Variants in DDX27 observed in about 807,000 individuals in gnomAD.
The protein encoded by DDX27 is DEAD-box helicase 27.
Under a neutral mutation model 99.3 loss-of-function variants are expected in DDX27, and 42 were observed. The ratio of observed to expected loss-of-function variants is 0.42; its 90% confidence interval spans 0.33 to 0.55. The LOEUF is 0.55. Ranked by LOEUF, DDX27 falls within the 20% of genes least tolerant of loss-of-function variation. DDX27 has a pLI of 0.07. For synonymous variants in DDX27, 329 were observed against 353.8 expected (o/e 0.93, Z 0.79); for missense variants, 798 against 976.8 (o/e 0.82, Z 2.44).
chr20:49,232,387 T>A (rs1194613368), intron 9 of DDX27, among the ~76,000 whole-genome samples: 3 of 152,052 alleles, frequency 2.0e-5, no homozygotes, highest in African/African-American at 7.2e-5. Context: ...CCCAGCACTT[T>A]GGGAGGCCGA....
At chr20:49,238,767 T>A (rs1980383102) in intron 14 of DDX27, 182 bp from the exon 15 acceptor site, 1 of 28,352 alleles carries the variant, frequency 3.5e-5, no homozygotes, top group Admixed American at 3.3e-4. Context: ...GTGCCTGGCT[T>A]TTTTTTTTTT....
chr20:49,233,480 T>C, intron 10 of DDX27, 75 bp downstream of exon 10: 6 of 1,601,642 alleles, frequency 3.7e-6, no homozygotes, highest in Non-Finnish European at 5.1e-6. Flanking sequence ...CTGGCTGGGC[T>C]TGAGGGGGTT....
intron 14 of DDX27, among the ~76,000 whole-genome samples, chr20:49,237,794 G>GAGGT (rs916750549): frequency 8.5e-5 from 13 of 152,272 alleles, no homozygotes; most frequent in African/African-American, 3.1e-4. Context: ...TGGAGGCTGT[G>GAGGT]AGGTAGGAAC....
Position 49,222,997 on chromosome 20 carries a change from G to T in DDX27, c.281G>T (p.Arg94Leu). 2.5e-6 allele frequency: 4 copies of T among 1,613,082 alleles called. No individual in the cohort carries two copies. Among genetic ancestry groups the T allele is most frequent in the Non-Finnish European group, 3.4e-6 (4 of 1,179,526 alleles). ...TTLDEKIEKVRKKRKTEDKEA... is the reference protein window; with the variant it reads ...TTLDEKIEKVLKKRKTEDKEA... The stretch of plus-strand genomic sequence containing the variant: ...TTAGATGAGAAGATTGAGAAAGTTC[G>T]AAAGAAAAGGAAAACAGAGGTGAGA... Residue 94 changes from arginine (R) to leucine (L), a missense_variant, in exon 3 of 21, where the codon CGA (arginine) becomes CTA (leucine). Arg to Leu is a moderately radical substitution (Grantham distance 102). Transcript: ENST00000618172.
chr20:49,236,151 C>G lies in DDX27; in HGVS notation c.1429C>G (p.Arg477Gly). 1 of 1,608,502 alleles carries G rather than the reference C, an allele frequency of 6.2e-7. No individual in the cohort carries two copies. Among genetic ancestry groups the G allele is most frequent in the Non-Finnish European group, 8.5e-7 (1 of 1,177,590 alleles). The change falls in exon 13 of 21, where the codon CGT becomes GGT. Residue 477 changes from arginine (R) to glycine (G), a missense_variant and splice_region_variant. This residue lies in a region of DDX27 where 553 missense variants were observed against 727.9 expected (regional missense o/e 0.76). Coordinates refer to ENST00000618172, the MANE Select transcript of DDX27 (RefSeq NM_017895.8). The surrounding 1 kb of genome is among the most constrained non-coding windows in gnomAD (Gnocchi z 4.1). ...ACAGCTGTTTGTGACTGTTTCTAGG[C>G]GTTTTAAGGATGAACAGATTGACAT... ...SQTQRLEALR[R>G]FKDEQIDILV...
chr20:49,242,648 CA>C lies in DDX27; in HGVS notation c.2173del (p.Ser725AlafsTer5). On this transcript the variant is annotated frameshift_variant, in exon 19 of 21. Coordinates refer to ENST00000618172, the MANE Select transcript of DDX27 (RefSeq NM_017895.8). LOFTEE classifies it high-confidence loss of function. Reference protein sequence around the residue: ...KSVFDEELTNTSKKALKQYRA... With the variant: ...KSVFDEELTNXSKKALKQYRA... ...GTATTTGATGAAGAACTCACCAACA[CA>C]AGCAAGAAGGCCCTGAAACAGTATC... The C allele has an allele frequency of 6.2e-7, 1 of 1,613,802 alleles. No homozygotes were observed. The highest frequency in any genetic ancestry group is 8.5e-7 in the Non-Finnish European group (1 of 1,179,956).
In DDX27 at chr20:49,236,293, CT is replaced by C; in HGVS notation, c.1510-38del. On this transcript the variant is annotated intron_variant, in intron 13 of 20. Transcript: ENST00000618172. The surrounding 1 kb of genome is among the most constrained non-coding windows in gnomAD (Gnocchi z 4.1). Reference sequence around the variant, plus strand: ...AGTCTTTTTGCCTCTTCGCACCCCCCTTCCCTTGCCAGGCCTGACGTTCATT... The same window carrying C: ...AGTCTTTTTGCCTCTTCGCACCCCCCTCCCTTGCCAGGCCTGACGTTCATT... 2 of 1,570,010 alleles carry C rather than the reference CT, an allele frequency of 1.3e-6. No individual in the cohort carries two copies. The highest frequency in any genetic ancestry group is 1.7e-6 in the Non-Finnish European group (2 of 1,154,614).
In DDX27 at chr20:49,239,294, A is replaced by G. The variant is rs765790009; in HGVS notation, c.1853A>G (p.Glu618Gly). ...AAGGAGGCAGTGGTCCAAGAGCCCGAGAGGAGCTGGTTCCAGACCAAAGAA... is the reference window on the plus strand; with the variant it reads ...AAGGAGGCAGTGGTCCAAGAGCCCGGGAGGAGCTGGTTCCAGACCAAAGAA... ...KGKEAVVQEP[E>G]RSWFQTKEER... is the part of the protein sequence containing the mutation. Residue 618 changes from glutamate to glycine, a missense_variant, in exon 16 of 21, where the codon GAG (glutamate) becomes GGG (glycine). Glu to Gly is a moderately conservative substitution (Grantham distance 98). Coordinates refer to ENST00000618172, the MANE Select transcript of DDX27 (RefSeq NM_017895.8). 3 of 1,613,998 alleles carry G rather than the reference A, an allele frequency of 1.9e-6. No individual in the cohort carries two copies. Among genetic ancestry groups the G allele is most frequent in the Non-Finnish European group, 2.5e-6 (3 of 1,179,918 alleles).
chr20:49,236,619 C>T lies in DDX27; in HGVS notation c.1687+109C>T, dbSNP rs1001504393. ...GCAGTTCAGAGCCAGATTTGAATTC[C>T]AGCCCTGCTGCTTCCTTGCCGAGTG... is the stretch of plus-strand genomic sequence containing the variant. On this transcript the variant is annotated intron_variant, in intron 14 of 20. Coordinates refer to ENST00000618172, the MANE Select transcript of DDX27 (RefSeq NM_017895.8). The surrounding 1 kb of genome is among the most constrained non-coding windows in gnomAD (Gnocchi z 4.1). 6 of 1,122,500 alleles carry T rather than the reference C, an allele frequency of 5.3e-6. No individual in the cohort carries two copies. Among genetic ancestry groups the T allele is most frequent in the Non-Finnish European group, 5.9e-6 (5 of 842,752 alleles). 69.5% of individuals were successfully genotyped at this position (1,122,500 alleles called of 1,614,324 possible). A position where few individuals can be genotyped will look rare whatever the true frequency, so the allele number is the denominator to read the frequency against.
intron 2 of DDX27, among the ~76,000 whole-genome samples, chr20:49,222,076 G>C (rs1168109170): frequency 7.2e-5 from 11 of 151,914 alleles, no homozygotes. Context: ...TGCCTGTCCA[G>C]AACAGTTTAA....
intron 11 of DDX27, chr20:49,233,921 C>A: frequency 1.8e-6 from 1 of 543,590 alleles, no homozygotes; most frequent in Non-Finnish European, 3.3e-6. Context: ...TCTTTGTGTC[C>A]TGTTCAACTC....
intron 4 of DDX27, 136 bp downstream of exon 4, chr20:49,223,569 T>TTTA: frequency 2.7e-6 from 2 of 736,858 alleles, no homozygotes; most frequent in Non-Finnish European, 4.0e-6. Context: ...AACTCCTTTC[T>TTTA]TTCTTTTTTT....
chr20:49,227,178 T>A (rs1430979623), intron 7 of DDX27, among the ~76,000 whole-genome samples: 1 of 152,126 alleles, frequency 6.6e-6, no homozygotes, highest in Non-Finnish European at 1.5e-5. Flanking sequence ...AAAGGACTTT[T>A]AAATTTTTAA....
intron 6 of DDX27, 57 bp downstream of exon 6, chr20:49,225,256 C>G: frequency 7.3e-7 from 1 of 1,379,018 alleles, no homozygotes; most frequent in Non-Finnish European, 1.0e-6. Flanking sequence ...CTATGTTGTC[C>G]AAGATGGTCT....
chr20:49,240,906 T>G (rs945141520), intron 16 of DDX27, among the ~76,000 whole-genome samples: 1 of 151,990 alleles, frequency 6.6e-6, no homozygotes, highest in African/African-American at 2.4e-5. Context: ...TCCAACTACT[T>G]GAGAGGCTGA....
intron 7 of DDX27, 123 bp from the exon 8 acceptor site, chr20:49,228,592 C>G: frequency 2.0e-6 from 2 of 1,023,652 alleles, no homozygotes; most frequent in African/African-American, 1.7e-5. Context: ...AAAAAATATT[C>G]TATGAAAAAT....
chr20:49,222,175 T>C (rs191752847), intron 2 of DDX27, among the ~76,000 whole-genome samples: 51 of 152,228 alleles, frequency 3.4e-4, no homozygotes, highest in African/African-American at 1.2e-3. Context: ...CTCCATTGCT[T>C]AGGCTGGAGT....
At chr20:49,238,858 C>T in intron 14 of DDX27, 91 bp from the exon 15 acceptor site, 2 of 901,012 alleles carry the variant, frequency 2.2e-6, no homozygotes, top group South Asian at 1.5e-5. Context: ...AATCCTCCCA[C>T]CTCAATCTCC....
At chr20:49,237,547 A>G (rs1980346502) in intron 14 of DDX27, among the ~76,000 whole-genome samples, 1 of 152,104 alleles carries the variant, frequency 6.6e-6, no homozygotes, top group Non-Finnish European at 1.5e-5. Context: ...AGTGCTATTG[A>G]TTCTGTTCTA....
Sources: allele counts gnomAD v4.1 joint callset (sites outside exome capture counted in the v4.1 genomes callset), GRCh38; gene constraint gnomAD v4.1.1; regional missense constraint gnomAD v4.1.1; non-coding constraint Gnocchi (gnomAD v3.1); transcripts MANE v1.5; gene names NCBI Gene and HGNC (gene_info 2026-07-23, HGNC 2026-07-21).